Variants in RBFOX1 observed in about 807,000 individuals in gnomAD.
RBFOX1 encodes RNA binding fox-1 homolog 1.
A neutral mutation model predicts 57.7 loss-of-function variants in RBFOX1; 8 were observed. The ratio of observed to expected loss-of-function variants is 0.14; its 90% CI spans 0.08 to 0.25. The LOEUF (loss-of-function observed/expected upper bound fraction) is 0.25, where lower values mean the gene tolerates loss of function less well. RBFOX1 is among the 10% of genes least tolerant of loss of function. RBFOX1 has a pLI of 1.00. For synonymous variants in RBFOX1, 326 were observed against 222.4 expected, an observed-to-expected ratio of 1.47 and a Z score of -4.15; for missense variants, 611 against 548.5, an observed-to-expected ratio of 1.11 and a Z score of -1.14.
chr16:5,269,378 T>C (rs1215369550), intron 1 of RBFOX1, among the ~76,000 whole-genome samples: 1 of 152,272 alleles, frequency 6.6e-6, no homozygotes, highest in African/African-American at 2.4e-5. Flanking sequence ...TATTTTCATA[T>C]TCAAAAATGA....
intron 1 of RBFOX1, among the ~76,000 whole-genome samples, chr16:6,264,333 T>G: frequency 6.6e-6 from 1 of 152,170 alleles, no homozygotes; most frequent in Non-Finnish European, 1.5e-5. Context: ...TTTCTCCCAG[T>G]GAAGTTGCAC....
At chr16:7,294,225 C>T (rs755946766) in intron 4 of RBFOX1, among the ~76,000 whole-genome samples, 9 of 152,022 alleles carry the variant, frequency 5.9e-5, no homozygotes, top group Admixed American at 1.3e-4. Flanking sequence ...TTGTCTCTGC[C>T]GCCTACCCTT....
At chr16:5,555,576 C>T (rs1303527496) in intron 2 of RBFOX1, among the ~76,000 whole-genome samples, 1 of 151,922 alleles carries the variant, frequency 6.6e-6, no homozygotes, top group African/African-American at 2.4e-5. Flanking sequence ...ATGGCAAAAC[C>T]ACAATTACTT....
intron 2 of RBFOX1, among the ~76,000 whole-genome samples, chr16:5,493,807 G>A (rs1369508695): frequency 6.6e-6 from 1 of 152,210 alleles, no homozygotes; most frequent in Non-Finnish European, 1.5e-5. Flanking sequence ...CCACACTGGA[G>A]ACTGATTAAA....
At chr16:6,151,378 CG>C (rs1377771684) in intron 1 of RBFOX1, among the ~76,000 whole-genome samples, 2 of 152,118 alleles carry the variant, frequency 1.3e-5, no homozygotes, top group Non-Finnish European at 2.9e-5. Flanking sequence ...CTCTGCCTCC[CG>C]GATTCAAGCA....
intron 4 of RBFOX1, among the ~76,000 whole-genome samples, chr16:7,115,296 T>C (rs1406635794): frequency 6.6e-6 from 1 of 152,166 alleles, no homozygotes; most frequent in African/African-American, 2.4e-5. Flanking sequence ...TTTTGATTAC[T>C]TGTGTGCCAG....
intron 3 of RBFOX1, among the ~76,000 whole-genome samples, chr16:7,018,366 G>C (rs2094021284): frequency 6.6e-6 from 1 of 152,162 alleles, no homozygotes; most frequent in African/African-American, 2.4e-5. Context: ...TTAAGAGTTA[G>C]ATACTTCTTT....
chr16:5,988,501 A>C (rs1204119595), intron 4 of RBFOX1, among the ~76,000 whole-genome samples: 1 of 152,158 alleles, frequency 6.6e-6, no homozygotes, highest in Non-Finnish European at 1.5e-5. Context: ...TACTTCGTCT[A>C]AGTTCCCAGA....
chr16:5,606,516 T>C (rs111329019), intron 3 of RBFOX1, among the ~76,000 whole-genome samples: 3,913 of 152,024 alleles, frequency 0.026, 103 homozygotes, highest in African/African-American at 0.069. Flanking sequence ...TTCTCATCTC[T>C]TCCTCATTCC....
At chr16:7,002,241 C>T (rs1056951007) in intron 3 of RBFOX1, among the ~76,000 whole-genome samples, 1 of 152,168 alleles carries the variant, frequency 6.6e-6, no homozygotes, top group Non-Finnish European at 1.5e-5. Flanking sequence ...GCCCTGGATA[C>T]AGCGGTGCAT....
chr16:7,199,944 A>G (rs988455308), intron 4 of RBFOX1, among the ~76,000 whole-genome samples: 3 of 152,196 alleles, frequency 2.0e-5, no homozygotes, highest in Non-Finnish European at 2.9e-5. Flanking sequence ...GAAATTAGAC[A>G]AAAGAACAAA....
chr16:6,706,201 T>C (rs1443985101), intron 3 of RBFOX1, among the ~76,000 whole-genome samples: 2 of 152,190 alleles, frequency 1.3e-5, no homozygotes, highest in East Asian at 3.8e-4. Flanking sequence ...AAGCCCTAAA[T>C]TCCTCTCCTT....
At chr16:6,000,196 G>C (rs2060572278) in intron 4 of RBFOX1, among the ~76,000 whole-genome samples, 1 of 152,200 alleles carries the variant, frequency 6.6e-6, no homozygotes, top group South Asian at 2.1e-4. Flanking sequence ...TCTTAGGGCA[G>C]TACCTGGACA....
chr16:7,087,850 T>C (rs950287518), intron 4 of RBFOX1, among the ~76,000 whole-genome samples: 1 of 152,162 alleles, frequency 6.6e-6, no homozygotes, highest in African/African-American at 2.4e-5. Context: ...AAGATGATGA[T>C]GTATTTGTGG....
In RBFOX1 at chr16:7,238,189, G is replaced by C. The variant is rs72767352; in HGVS notation, c.27+186091G>C. ...GTCGTTACCAAGGGCTGGGAGAAAA[G>C]AGGAATGGTGAGTTAGTGTTTAATT... is the stretch of plus-strand genomic sequence containing the variant. On this transcript the variant is annotated intron_variant, in intron 4 of 15. Coordinates refer to ENST00000550418, the MANE Select transcript of RBFOX1 (RefSeq NM_018723.4). 5.1e-3 allele frequency among the ~76,000 whole-genome samples: 774 copies of C among 152,298 alleles called. 5 individuals carry two copies. The highest frequency in any genetic ancestry group is 8.5e-3 in the Non-Finnish European group (580 of 68,032).
chr16:7,354,046 G>T (rs540746581), intron 4 of RBFOX1, among the ~76,000 whole-genome samples: 1 of 152,030 alleles, frequency 6.6e-6, no homozygotes, highest in African/African-American at 2.4e-5. Context: ...ATCTGGGCTC[G>T]CTGCAACCTC....
intron 3 of RBFOX1, among the ~76,000 whole-genome samples, chr16:6,701,092 G>A (rs1425220667): frequency 6.6e-6 from 1 of 151,952 alleles, no homozygotes; most frequent in Non-Finnish European, 1.5e-5. Flanking sequence ...GACCCATTGG[G>A]GAGCTCCAGA....
At chr16:7,124,960 C>G (rs1451684130) in intron 4 of RBFOX1, among the ~76,000 whole-genome samples, 2 of 152,046 alleles carry the variant, frequency 1.3e-5, no homozygotes, top group Non-Finnish European at 2.9e-5. Context: ...GCTCAATTCA[C>G]AGGACTGGAA....
chr16:5,906,797 C>G lies in RBFOX1; in HGVS notation c.351+39462C>G, dbSNP rs375667522. On this transcript the variant is annotated intron_variant, in intron 4 of 19. Coordinates refer to the RBFOX1 transcript ENST00000641259. ...TCTTCCAGGCTGGAGTGCAGTGACG[C>G]TTTCTTGGCTCACTGCAACCTCCAC... is the stretch of plus-strand genomic sequence containing the variant. Among the ~76,000 whole-genome samples, 29 of 135,572 alleles carry G rather than the reference C, an allele frequency of 2.1e-4. No individual in the cohort carries two copies. The East Asian group carries it at 3.6e-3, about 17-fold the overall frequency. The allele number at this position is 135,572 out of a possible 152,430, so 88.9% of individuals were successfully genotyped here. A position where few individuals can be genotyped will look rare whatever the true frequency, so the allele number is the denominator to read the frequency against.
Sources: allele counts gnomAD v4.1 joint callset (sites outside exome capture counted in the v4.1 genomes callset), GRCh38; gene constraint gnomAD v4.1.1; transcripts MANE v1.5; gene names NCBI Gene and HGNC (gene_info 2026-07-23, HGNC 2026-07-21).